GALNTL6: variants seen among roughly 807,000 people sequenced by gnomAD.
GALNTL6 encodes polypeptide N-acetylgalactosaminyltransferase like 6.
Under a neutral mutation model 73.7 loss-of-function variants are expected in GALNTL6, and 46 were observed. That is an observed-to-expected ratio of 0.62 (90% CI 0.49 to 0.80). The LOEUF is 0.80. Among genes scored for constraint, GALNTL6 ranks in the 30% least tolerant of loss-of-function variants. GALNTL6 has a pLI of 0.00. For synonymous variants in GALNTL6, 259 were observed against 263.7 expected (o/e 0.98, Z 0.17); for missense variants, 604 against 755.0 (o/e 0.80, Z 2.34).
chr4:172,317,240 A>G (rs1462464007), intron 4 of GALNTL6, among the ~76,000 whole-genome samples: 2 of 152,186 alleles, frequency 1.3e-5, no homozygotes, highest in East Asian at 3.8e-4. Context: ...TCCTGGAAGT[A>G]TATTGAATAA....
At chr4:172,909,231 G>T (rs1042050028) in intron 8 of GALNTL6, among the ~76,000 whole-genome samples, 2 of 149,984 alleles carry the variant, frequency 1.3e-5, no homozygotes, top group Non-Finnish European at 3.0e-5. Flanking sequence ...ATCATTTTAA[G>T]CATTAAAAAT....
At chr4:171,949,461 T>C (rs1469857790) in intron 2 of GALNTL6, among the ~76,000 whole-genome samples, 1 of 152,130 alleles carries the variant, frequency 6.6e-6, no homozygotes, top group African/African-American at 2.4e-5. Flanking sequence ...TTTTCACAGA[T>C]AAACTTTTTT....
intron 2 of GALNTL6, among the ~76,000 whole-genome samples, chr4:171,972,917 T>C (rs199620595): frequency 6.6e-6 from 1 of 152,182 alleles, no homozygotes; most frequent in Non-Finnish European, 1.5e-5. Flanking sequence ...AGAATAATAG[T>C]ATAATCGAAT....
intron 2 of GALNTL6, among the ~76,000 whole-genome samples, chr4:171,876,737 A>G (rs1560822979): frequency 6.6e-6 from 1 of 152,240 alleles, no homozygotes; most frequent in Non-Finnish European, 1.5e-5. Context: ...ATTGTCCTCA[A>G]TCACATCTGG....
chr4:172,989,740 G>A (rs1579750173), intron 10 of GALNTL6, among the ~76,000 whole-genome samples: 1 of 152,094 alleles, frequency 6.6e-6, no homozygotes, highest in South Asian at 2.1e-4. Context: ...GTTTCCAGAG[G>A]CCTTCCAGCC....
intron 5 of GALNTL6, among the ~76,000 whole-genome samples, chr4:172,528,312 GAAATAAAATATATA>G (rs1276356776): frequency 8.3e-6 from 1 of 121,198 alleles, no homozygotes; most frequent in African/African-American, 3.4e-5. Flanking sequence ...TGGCTTGCTA[GAAATAAAATATATA>G]TATATATATA....
intron 2 of GALNTL6, among the ~76,000 whole-genome samples, chr4:171,861,154 G>A (rs1265418266): frequency 6.6e-6 from 1 of 152,136 alleles, no homozygotes; most frequent in African/African-American, 2.4e-5. Context: ...ATTGAGCATA[G>A]CTCCATGTCT....
At chr4:172,780,533 G>A (rs1739318030) in intron 5 of GALNTL6, among the ~76,000 whole-genome samples, 1 of 152,136 alleles carries the variant, frequency 6.6e-6, no homozygotes, top group South Asian at 2.1e-4. Flanking sequence ...TTAAACAAAT[G>A]GAATTTGGCT....
chr4:172,311,549 A>C lies in GALNTL6; in HGVS notation c.248-65A>C, dbSNP rs986767683. 10 of 1,360,724 alleles carry C rather than the reference A, an allele frequency of 7.3e-6. No homozygotes were observed. In the Admixed American group the frequency reaches 2.0e-4, roughly 28 times the overall value. 84.3% of individuals were successfully genotyped at this position (1,360,724 alleles called of 1,614,324 possible). The stretch of plus-strand genomic sequence containing the variant: ...CGATAATACACATTCCAGTCTTCCT[A>C]TCTGTTCTAGAAGATAAAATGGCTT... On this transcript the variant is annotated intron_variant, in intron 3 of 12. Coordinates refer to ENST00000506823, the MANE Select transcript of GALNTL6 (RefSeq NM_001034845.3).
chr4:173,035,670 T>C (rs891925462), intron 12 of GALNTL6, among the ~76,000 whole-genome samples: 1 of 152,236 alleles, frequency 6.6e-6, no homozygotes, highest in Non-Finnish European at 1.5e-5. Flanking sequence ...ATAGATCAGA[T>C]ACAAGATCTG....
At chr4:172,109,371 G>A (rs1044797803) in intron 2 of GALNTL6, among the ~76,000 whole-genome samples, 2 of 152,186 alleles carry the variant, frequency 1.3e-5, no homozygotes, top group Non-Finnish European at 2.9e-5. Flanking sequence ...AATGGTCCTA[G>A]AATTGGTTGT....
chr4:172,488,833 C>A (rs1435231022), intron 5 of GALNTL6, among the ~76,000 whole-genome samples: 2 of 124,458 alleles, frequency 1.6e-5, no homozygotes, highest in East Asian at 2.3e-4. Flanking sequence ...GAAGGCAGTC[C>A]TGGGGTGGGG....
chr4:172,622,867 G>A (rs1332342348), intron 5 of GALNTL6, among the ~76,000 whole-genome samples: 1 of 152,068 alleles, frequency 6.6e-6, no homozygotes, highest in Non-Finnish European at 1.5e-5. Context: ...AATTGACAAA[G>A]CGTTTAAGGT....
intron 5 of GALNTL6, among the ~76,000 whole-genome samples, chr4:172,693,635 G>T (rs564261224): frequency 6.6e-6 from 1 of 152,086 alleles, no homozygotes; most frequent in African/African-American, 2.4e-5. Context: ...TGCTCCTTCC[G>T]CACTCAAGGC....
chr4:172,713,850 G>T (rs1027535943), intron 5 of GALNTL6, among the ~76,000 whole-genome samples: 2 of 152,050 alleles, frequency 1.3e-5, no homozygotes, highest in African/African-American at 4.8e-5. Context: ...ATGCAATAGT[G>T]TCAGCTTATC....
chr4:172,329,702 C>A (rs1741060673), intron 4 of GALNTL6, among the ~76,000 whole-genome samples: 1 of 152,126 alleles, frequency 6.6e-6, no homozygotes, highest in Non-Finnish European at 1.5e-5. Context: ...TCCCTAGTCA[C>A]CTCAGACCCC....
At chr4:172,541,840 T>C (rs1735560314) in intron 5 of GALNTL6, among the ~76,000 whole-genome samples, 1 of 152,114 alleles carries the variant, frequency 6.6e-6, no homozygotes, top group African/African-American at 2.4e-5. Flanking sequence ...TCCACCATTT[T>C]GCCTTTTAGT....
intron 5 of GALNTL6, among the ~76,000 whole-genome samples, chr4:172,600,738 CA>C (rs1266284084): frequency 6.6e-6 from 1 of 151,836 alleles, no homozygotes; most frequent in Non-Finnish European, 1.5e-5. Context: ...CTAGAAGTAT[CA>C]AATTTGAGAG....
intron 5 of GALNTL6, among the ~76,000 whole-genome samples, chr4:172,764,449 T>C (rs1738291719): frequency 6.6e-6 from 1 of 152,006 alleles, no homozygotes; most frequent in Admixed American, 6.6e-5. Flanking sequence ...AAACTAGTTA[T>C]ATATAATAAT....
Sources: gnomAD v4.1 joint callset for allele counts (sites outside exome capture counted in the v4.1 genomes callset) on GRCh38, gnomAD v4.1.1 for gene constraint, MANE v1.5 for transcripts, NCBI Gene and HGNC (gene_info 2026-07-23, HGNC 2026-07-21) for gene names.